The following IRF2 variants were observed in gnomAD, a reference collection of about 807,000 sequenced individuals.
The protein encoded by IRF2 is interferon regulatory factor 2.
IRF2 carries 15 observed loss-of-function variants against 40.6 expected under a neutral mutation model. That is an observed-to-expected ratio of 0.37 (90% confidence interval 0.25 to 0.57). The LOEUF is 0.57. IRF2 is among the 20% of genes least tolerant of loss of function. The probability of loss-of-function intolerance (pLI) is 0.77; values close to 1 mark genes in which losing one functional copy is unlikely to be tolerated. For synonymous variants in IRF2, 151 were observed against 165.5 expected (o/e 0.91, Z 0.67); for missense variants, 317 against 455.7 (o/e 0.70, Z 2.77).
intron 6 of IRF2, among the ~76,000 whole-genome samples, chr4:184,402,882 T>C (rs1334083182): frequency 1.3e-5 from 2 of 152,152 alleles, no homozygotes; most frequent in Non-Finnish European, 1.5e-5. Flanking sequence ...TCAACATTTA[T>C]AGGACCGTGT....
chr4:184,411,393 C>T (rs901338748), intron 5 of IRF2, among the ~76,000 whole-genome samples: 1 of 152,166 alleles, frequency 6.6e-6, no homozygotes, highest in Non-Finnish European at 1.5e-5. Context: ...GTATCCTGCA[C>T]TGACCACTTC....
chr4:184,416,417 T>C (rs1056253978), intron 5 of IRF2, among the ~76,000 whole-genome samples: 34 of 151,608 alleles, frequency 2.2e-4, no homozygotes, highest in African/African-American at 8.0e-4. Flanking sequence ...AAAAATGTTT[T>C]AAGAGGTAAT....
At chr4:184,435,282 A>G (rs541527716) in intron 1 of IRF2, among the ~76,000 whole-genome samples, 24 of 152,276 alleles carry the variant, frequency 1.6e-4, no homozygotes, top group African/African-American at 5.8e-4. Flanking sequence ...TAATTGTTCT[A>G]CTTACTGAGA....
rs532188908 is a variant in IRF2 at position 184,398,359 on chromosome 4, T to C, written c.694+556A>G. Reference sequence around the variant, plus strand: ...AAGAAATCTTATCTGTAACCATATATAAAAATGTTATGGGAGGCCAGGCAC... The same window carrying C: ...AAGAAATCTTATCTGTAACCATATACAAAAATGTTATGGGAGGCCAGGCAC... On this transcript the variant is annotated intron_variant, in intron 7 of 8. Coordinates refer to ENST00000393593, the MANE Select transcript of IRF2 (RefSeq NM_002199.4). 2.6e-5 allele frequency among the ~76,000 whole-genome samples: 4 copies of C among 152,166 alleles called. No individual in the cohort carries two copies. The South Asian group carries it at 8.3e-4, about 32-fold the overall frequency.
chr4:184,431,599 C>T (rs371074311), intron 1 of IRF2, among the ~76,000 whole-genome samples: 24 of 152,128 alleles, frequency 1.6e-4, no homozygotes, highest in African/African-American at 5.5e-4. Context: ...AAATCCAGAG[C>T]GGTCAAGAAA....
chr4:184,389,552 T>C (rs751659455), intron 8 of IRF2, among the ~76,000 whole-genome samples: 44 of 152,322 alleles, frequency 2.9e-4, no homozygotes, highest in Non-Finnish European at 5.7e-4. Flanking sequence ...CTGAAATCTA[T>C]TGCACCCAGC....
chr4:184,439,378 C>T (rs972915467), intron 1 of IRF2, among the ~76,000 whole-genome samples: 24 of 149,546 alleles, frequency 1.6e-4, no homozygotes, highest in African/African-American at 5.4e-4. Flanking sequence ...GGTCCCTGGC[C>T]CCACTCTAAT....
At chr4:184,468,474 C>T (rs1219927704) in intron 1 of IRF2, among the ~76,000 whole-genome samples, 1 of 148,654 alleles carries the variant, frequency 6.7e-6, no homozygotes, top group Admixed American at 6.8e-5. Flanking sequence ...GAGACAAGAT[C>T]GAGACTCTTT....
At chr4:184,464,195 G>A (rs1739243702) in intron 1 of IRF2, among the ~76,000 whole-genome samples, 1 of 152,122 alleles carries the variant, frequency 6.6e-6, no homozygotes, top group Non-Finnish European at 1.5e-5. Context: ...GATAGGGAAT[G>A]TACAGGACAT....
At chr4:184,395,501 G>A (rs2149891841) in intron 7 of IRF2, among the ~76,000 whole-genome samples, 1 of 149,948 alleles carries the variant, frequency 6.7e-6, no homozygotes, top group East Asian at 2.0e-4. Context: ...ATGAAAAACA[G>A]GCAAATGGCC....
chr4:184,407,085 A>AG (rs1736885540), intron 6 of IRF2: 1 of 660,902 alleles, frequency 1.5e-6, no homozygotes, highest in Non-Finnish European at 2.4e-6. Flanking sequence ...AGGGTTATAG[A>AG]GCACTGCCGA....
chr4:184,417,725 A>C (rs1054416333), intron 5 of IRF2, among the ~76,000 whole-genome samples: 2 of 152,226 alleles, frequency 1.3e-5, no homozygotes, highest in Non-Finnish European at 2.9e-5. Flanking sequence ...TCCCCCACCA[A>C]AGGGCCTGTG....
In IRF2 at chr4:184,448,812, G is replaced by A. The variant is rs940929586; in HGVS notation, c.-6-19742C>T. The A allele has an allele frequency of 2.6e-5, 4 of 152,132 alleles. No individual in the cohort carries two copies. Among genetic ancestry groups the A allele is most frequent in the African/African-American group, 9.7e-5 (4 of 41,418 alleles). 9.4% of individuals were successfully genotyped at this position (152,132 alleles called of 1,614,324 possible). A position where few individuals can be genotyped will look rare whatever the true frequency, so the allele number is the denominator to read the frequency against. On this transcript the variant is annotated intron_variant, in intron 1 of 8. Coordinates refer to ENST00000393593, the MANE Select transcript of IRF2 (RefSeq NM_002199.4). The surrounding 1 kb of genome is among the most constrained non-coding windows in gnomAD (Gnocchi z 4.3). The stretch of plus-strand genomic sequence containing the variant: ...GCATTCCCAGAATAGTTTCATTTTC[G>A]ATCATGACAACAGTTCCCACTCCCA...
In IRF2 at chr4:184,388,579, A is replaced by C. The variant is rs1162964453; in HGVS notation, c.*179T>G. On this transcript the variant is annotated 3_prime_UTR_variant, in exon 9 of 9. Coordinates refer to ENST00000393593, the MANE Select transcript of IRF2 (RefSeq NM_002199.4). This position sits in a 1 kb window ranked among gnomAD's most constrained non-coding sequence, Gnocchi z 4.6. ...AAACACACGTCTACCAATGGGCTGGAGTCCTGAGTTAAAGAGAAGCTCCAG... is the reference window on the plus strand; with the variant it reads ...AAACACACGTCTACCAATGGGCTGGCGTCCTGAGTTAAAGAGAAGCTCCAG... 4.9e-6 allele frequency: 3 copies of C among 614,912 alleles called. No individual in the cohort carries two copies. Among genetic ancestry groups the C allele is most frequent in the Non-Finnish European group, 8.3e-6 (3 of 361,230 alleles). 38.1% of individuals were successfully genotyped at this position (614,912 alleles called of 1,614,324 possible).
At chr4:184,453,277 T>A (rs1351017052) in intron 1 of IRF2, among the ~76,000 whole-genome samples, 1 of 152,218 alleles carries the variant, frequency 6.6e-6, no homozygotes. Context: ...CTTTTAAAAG[T>A]ATTTTATAAA....
chr4:184,468,254 G>A (rs1439948893), intron 1 of IRF2, among the ~76,000 whole-genome samples: 2 of 152,290 alleles, frequency 1.3e-5, no homozygotes, highest in East Asian at 1.9e-4. Context: ...TTGGGAGGCT[G>A]AGGCGGGCAG....
At chr4:184,438,887 C>T (rs3775566) in intron 1 of IRF2, among the ~76,000 whole-genome samples, 36,918 of 151,954 alleles carry the variant, frequency 0.24, 4,634 homozygotes, top group East Asian at 0.39. Flanking sequence ...TATGCGGCCA[C>T]GCTTCCTCCT....
intron 6 of IRF2, among the ~76,000 whole-genome samples, chr4:184,404,531 T>A (rs1736780642): frequency 6.6e-6 from 1 of 152,118 alleles, no homozygotes; most frequent in African/African-American, 2.4e-5. Flanking sequence ...TTTTAAATAT[T>A]TCCATTTTAT....
chr4:184,401,553 G>T (rs1735375076), intron 6 of IRF2, among the ~76,000 whole-genome samples: 1 of 152,192 alleles, frequency 6.6e-6, no homozygotes, highest in South Asian at 2.1e-4. Context: ...TATCCTACGT[G>T]AGGGTGAGGA....
Sources: gnomAD v4.1 joint callset for allele counts (sites outside exome capture counted in the v4.1 genomes callset) on GRCh38, gnomAD v4.1.1 for gene constraint, Gnocchi (gnomAD v3.1) non-coding constraint, MANE v1.5 for transcripts, NCBI Gene and HGNC (gene_info 2026-07-23, HGNC 2026-07-21) for gene names.